The following DSTN variants were observed in gnomAD, a reference collection of about 807,000 sequenced individuals.
DSTN encodes destrin.
A neutral mutation model predicts 16.8 loss-of-function variants in DSTN; 10 were observed. The observed-to-expected ratio is 0.60, with a 90% CI of 0.37 to 1.01. The LOEUF is 1.01. DSTN is among the 50% of genes least tolerant of loss of function. DSTN has a pLI of 0.01. For synonymous variants in DSTN, 57 were observed against 58.9 expected, an observed-to-expected ratio of 0.97 and a Z score of 0.14; for missense variants, 141 against 196.7, an observed-to-expected ratio of 0.72 and a Z score of 1.69.
At chr20:17,579,526 T>A (rs1457924897) in intron 1 of DSTN, among the ~76,000 whole-genome samples, 1 of 152,138 alleles carries the variant, frequency 6.6e-6, no homozygotes, top group Non-Finnish European at 1.5e-5. Context: ...CAGGCTGCAG[T>A]GAACCAAGGT....
At chr20:17,598,634 C>T (rs1032703449) in intron 1 of DSTN, among the ~76,000 whole-genome samples, 1 of 151,902 alleles carries the variant, frequency 6.6e-6, no homozygotes, top group Admixed American at 6.6e-5. Flanking sequence ...TGGATGTTTT[C>T]TCTCATTCTG....
chr20:17,606,107 TCAAAAAAAAAAAAAAGATAGTGAC>T (rs1281284741), intron 3 of DSTN, among the ~76,000 whole-genome samples: 1 of 145,406 alleles, frequency 6.9e-6, no homozygotes, highest in Non-Finnish European at 1.5e-5. Context: ...AAACTCTGTC[TCAAAAAAAAAAAAAAGATAGTGAC>T]CATGCTGCCT....
At chr20:17,591,341 GT>G (rs11478262) in intron 1 of DSTN, among the ~76,000 whole-genome samples, 81,511 of 144,196 alleles carry the variant, frequency 0.57, 23,977 homozygotes, top group Non-Finnish European at 0.67. Flanking sequence ...GTATAATTGG[GT>G]TTTTTTTTTT....
intron 1 of DSTN, among the ~76,000 whole-genome samples, chr20:17,577,874 T>C (rs2035296805): frequency 6.6e-6 from 1 of 152,230 alleles, no homozygotes; most frequent in Non-Finnish European, 1.5e-5. Context: ...TAGATTCATA[T>C]ACTCAAGTTG....
chr20:17,583,241 A>G (rs4813272), intron 1 of DSTN, among the ~76,000 whole-genome samples: 151,463 of 152,344 alleles, frequency 0.99, 75,299 homozygotes, highest in Middle Eastern at 1. Flanking sequence ...ATTGCTGGTG[A>G]GAATGTAAAA....
chr20:17,605,537 T>A lies in DSTN; in HGVS notation c.388+906T>A, dbSNP rs544909943. 1.2e-4 allele frequency among the ~76,000 whole-genome samples: 19 copies of A among 152,338 alleles called. No homozygotes were observed. In the South Asian group the frequency reaches 3.9e-3, roughly 32 times the overall value. On this transcript the variant is annotated intron_variant, in intron 3 of 3. Transcript: ENST00000246069. The stretch of plus-strand genomic sequence containing the variant: ...TAGAACAGGTTTGCCCTAGCCTGTT[T>A]TACTTAGTTCGGAAAAAAAAATTCT...
intron 1 of DSTN, among the ~76,000 whole-genome samples, chr20:17,580,664 C>T (rs949991858): frequency 1.6e-4 from 24 of 151,928 alleles, no homozygotes; most frequent in African/African-American, 5.8e-4. Context: ...AGGAGAATCA[C>T]TTGAACCCGG....
chr20:17,571,318 G>C (rs2035204360), intron 1 of DSTN, among the ~76,000 whole-genome samples: 1 of 152,208 alleles, frequency 6.6e-6, no homozygotes, highest in Non-Finnish European at 1.5e-5. Flanking sequence ...CAGCTTATCT[G>C]CATACAAACT....
intron 1 of DSTN, among the ~76,000 whole-genome samples, chr20:17,577,155 C>T (rs2035288036): frequency 6.6e-6 from 1 of 152,202 alleles, no homozygotes; most frequent in Non-Finnish European, 1.5e-5. Context: ...CCCAAGCTAT[C>T]TCATTATGTA....
chr20:17,573,308 T>C (rs1444030466), intron 1 of DSTN, among the ~76,000 whole-genome samples: 10 of 152,102 alleles, frequency 6.6e-5, no homozygotes, highest in African/African-American at 2.4e-4. Flanking sequence ...AATTAAACTT[T>C]GTGGGGGTGG....
intron 1 of DSTN, among the ~76,000 whole-genome samples, chr20:17,585,149 C>G (rs780952220): frequency 2.0e-5 from 3 of 152,080 alleles, no homozygotes; most frequent in Non-Finnish European, 2.9e-5. Flanking sequence ...TGGTGGAAGA[C>G]AAATCTGGAA....
intron 1 of DSTN, among the ~76,000 whole-genome samples, chr20:17,587,709 C>G (rs1206581913): frequency 7.3e-5 from 11 of 151,644 alleles, no homozygotes; most frequent in Non-Finnish European, 1.3e-4. Flanking sequence ...TACATGATAA[C>G]TGAGTTTCCT....
In DSTN at chr20:17,584,268, T is replaced by G. The variant is rs561101360; in HGVS notation, c.3+14057T>G. Among the ~76,000 whole-genome samples the G allele has an allele frequency of 3.2e-4, 48 of 152,348 alleles. 1 individual carries two copies. Among genetic ancestry groups the G allele is most frequent in the African/African-American group, 1.1e-3 (46 of 41,572 alleles). On this transcript the variant is annotated intron_variant, in intron 1 of 3. Transcript: ENST00000246069. ...TTTTTATAAGAAATACTCTGTCATC[T>G]TGTGCATAAATCTTGCATTTCTTCA...
chr20:17,606,069 T>C (rs138580780), intron 3 of DSTN, among the ~76,000 whole-genome samples: 8,590 of 151,866 alleles, frequency 0.057, 366 homozygotes, highest in African/African-American at 0.13. Flanking sequence ...GATCGCACCA[T>C]TGCACTCCAG....
chr20:17,572,230 G>T lies in DSTN; in HGVS notation c.3+2019G>T, dbSNP rs543542154. ...CCTGAAATAAAGCAGTTTGAAACCA[G>T]CTGGGCGCTTCAGGATGAGATTAGA... On this transcript the variant is annotated intron_variant, in intron 1 of 3. Coordinates refer to ENST00000246069, the MANE Select transcript of DSTN (RefSeq NM_006870.4). Among the ~76,000 whole-genome samples, 4 of 152,330 alleles carry T rather than the reference G, an allele frequency of 2.6e-5. No homozygotes were observed. In the South Asian group the frequency reaches 8.3e-4, roughly 32 times the overall value.
intron 1 of DSTN, among the ~76,000 whole-genome samples, chr20:17,590,218 A>G (rs2035455023): frequency 6.6e-6 from 1 of 152,232 alleles, no homozygotes; most frequent in Non-Finnish European, 1.5e-5. Flanking sequence ...GTCCTTTGCA[A>G]CTGTAAAATA....
At chr20:17,592,677 A>T (rs2035482564) in intron 1 of DSTN, among the ~76,000 whole-genome samples, 1 of 152,146 alleles carries the variant, frequency 6.6e-6, no homozygotes, top group Admixed American at 6.5e-5. Context: ...GAAGAGCCAT[A>T]CTACTCTAAT....
chr20:17,582,831 C>G (rs2035361521), intron 1 of DSTN, among the ~76,000 whole-genome samples: 1 of 152,082 alleles, frequency 6.6e-6, no homozygotes, highest in South Asian at 2.1e-4. Flanking sequence ...TAGGCAATGA[C>G]ACCAAGAGCA....
chr20:17,587,371 A>G (rs1322252451), intron 1 of DSTN, among the ~76,000 whole-genome samples: 1 of 152,038 alleles, frequency 6.6e-6, no homozygotes, highest in Non-Finnish European at 1.5e-5. Context: ...GGCCCAAGTG[A>G]TCCTCCCTCA....
Sources: allele counts gnomAD v4.1 joint callset (sites outside exome capture counted in the v4.1 genomes callset), GRCh38; gene constraint gnomAD v4.1.1; transcripts MANE v1.5; gene names NCBI Gene and HGNC (gene_info 2026-07-23, HGNC 2026-07-21).